TMEM116: variants seen among roughly 807,000 people sequenced by gnomAD.
TMEM116 encodes transmembrane protein 116.
A neutral mutation model predicts 44.3 loss-of-function variants in TMEM116; 38 were observed. That is an observed-to-expected ratio of 0.86 (90% CI 0.66 to 1.12). TMEM116 has a LOEUF of 1.12. TMEM116 is among the 50% of genes most tolerant of loss of function. The pLI is 0.00. For missense variants in TMEM116, 354 were observed against 401.7 expected (o/e 0.88, Z 1.01); for synonymous variants, 132 against 144.8 (o/e 0.91, Z 0.64).
chr12:111,973,365 G>T (rs1417986476), intron 4 of TMEM116, among the ~76,000 whole-genome samples: 3 of 152,118 alleles, frequency 2.0e-5, no homozygotes, highest in Admixed American at 1.3e-4. Flanking sequence ...CAACATATTA[G>T]AATTTACGGG....
intron 4 of TMEM116, among the ~76,000 whole-genome samples, chr12:111,988,802 C>A (rs576286524): frequency 2.0e-5 from 3 of 151,954 alleles, no homozygotes; most frequent in Non-Finnish European, 4.4e-5. Context: ...CCAGCCTGGC[C>A]AACATAGTGA....
intron 4 of TMEM116, among the ~76,000 whole-genome samples, chr12:111,989,554 C>G (rs1203782190): frequency 6.6e-6 from 1 of 152,184 alleles, no homozygotes; most frequent in Middle Eastern, 3.2e-3. Flanking sequence ...AGGTTGCCTG[C>G]TAGATAAAAT....
chr12:111,974,615 G>A (rs766148741), intron 4 of TMEM116, among the ~76,000 whole-genome samples: 10 of 147,238 alleles, frequency 6.8e-5, no homozygotes, highest in Admixed American at 4.8e-4. Context: ...AGATCGCACC[G>A]CTGCACTCCA....
intron 1 of TMEM116, chr12:112,005,754 T>C: frequency 1.0e-6 from 1 of 969,098 alleles, no homozygotes; most frequent in Non-Finnish European, 1.2e-6. Context: ...AATACAGAGA[T>C]GTGTGGAAAG....
chr12:112,012,868 G>A (rs2077912588), intron 1 of TMEM116, 134 bp downstream of exon 1: 1 of 153,220 alleles, frequency 6.5e-6, no homozygotes, highest in Non-Finnish European at 1.5e-5. Context: ...GGGCCTAAGA[G>A]GGCCCTGCTT....
chr12:111,976,599 A>G (rs781396240), intron 4 of TMEM116, among the ~76,000 whole-genome samples: 9 of 152,222 alleles, frequency 5.9e-5, no homozygotes, highest in Non-Finnish European at 1.0e-4. Flanking sequence ...ACGTAAAGGC[A>G]AGAAAAACAA....
At chr12:111,957,617 G>T (rs1245898447) in intron 4 of TMEM116, among the ~76,000 whole-genome samples, 1 of 151,386 alleles carries the variant, frequency 6.6e-6, no homozygotes, top group South Asian at 2.1e-4. Flanking sequence ...CGTCCGGGAG[G>T]TGGGGGGCCC....
At chr12:112,004,791 G>T (rs1032634728) in intron 2 of TMEM116, among the ~76,000 whole-genome samples, 20 of 151,852 alleles carry the variant, frequency 1.3e-4, no homozygotes, top group African/African-American at 2.9e-4. Context: ...TTTTTATGGG[G>T]TTTTTTTGTT....
Position 111,956,514 on chromosome 12 carries a change from C to T in TMEM116, c.211-13145G>A, listed in dbSNP as rs566309580. Among the ~76,000 whole-genome samples, 3 of 152,254 alleles carry T rather than the reference C, an allele frequency of 2.0e-5. No individual in the cohort carries two copies. In the South Asian group the frequency reaches 6.2e-4, roughly 32 times the overall value. ...ATAGGACCCCTCCCTCTCCCTCTCC[C>T]CTTTGCATGGTCCTCGTCTCCCCTT... On this transcript the variant is annotated intron_variant, in intron 4 of 10. Transcript: ENST00000552374.
chr12:111,963,096 C>T (rs1333689253), intron 4 of TMEM116, among the ~76,000 whole-genome samples: 1 of 152,136 alleles, frequency 6.6e-6, no homozygotes, highest in Admixed American at 6.5e-5. Context: ...AAATGCAAAT[C>T]AAAACCACAA....
chr12:111,966,597 C>T (rs1338237018), intron 4 of TMEM116, among the ~76,000 whole-genome samples: 3 of 152,178 alleles, frequency 2.0e-5, no homozygotes, highest in Non-Finnish European at 2.9e-5. Flanking sequence ...CATCATAACT[C>T]GTAAAAGAGG....
chr12:111,950,135 A>G (rs368916417), intron 4 of TMEM116, among the ~76,000 whole-genome samples: 32 of 152,064 alleles, frequency 2.1e-4, no homozygotes, highest in African/African-American at 7.5e-4. Context: ...ACAAAACAAA[A>G]CAAAACAAAA....
chr12:112,005,943 C>T (rs1386151014), intron 1 of TMEM116: 1 of 985,694 alleles, frequency 1.0e-6, no homozygotes, highest in Non-Finnish European at 1.2e-6. Context: ...GAGCTTCTGA[C>T]CTTACCAAGT....
intron 4 of TMEM116, among the ~76,000 whole-genome samples, chr12:111,966,381 A>G (rs2074987962): frequency 6.6e-6 from 1 of 152,210 alleles, no homozygotes; most frequent in Admixed American, 6.5e-5. Flanking sequence ...AAACTACTAT[A>G]GGAAATTCTG....
At position 112,005,250 on chromosome 12, in the gene TMEM116, A is replaced by G; in HGVS notation, c.14+7T>C. 1 of 1,369,780 alleles carries G rather than the reference A, an allele frequency of 7.3e-7. No individual in the cohort carries two copies. Among genetic ancestry groups the G allele is most frequent in the Non-Finnish European group, 9.4e-7 (1 of 1,067,636 alleles). The allele number at this position is 1,369,780 out of a possible 1,614,324, so 84.9% of individuals were successfully genotyped here. A position where few individuals can be genotyped will look rare whatever the true frequency, so the allele number is the denominator to read the frequency against. On this transcript the variant is annotated splice_region_variant and intron_variant, in intron 2 of 10. Transcript: ENST00000552374. Reference sequence around the variant, plus strand: ...TAGTTTAGTTATATGAGATTAAATAAACATACCTCAGAGTAGCCATGACAA... The same window carrying G: ...TAGTTTAGTTATATGAGATTAAATAGACATACCTCAGAGTAGCCATGACAA...
intron 4 of TMEM116, among the ~76,000 whole-genome samples, chr12:111,990,338 G>A (rs1274562245): frequency 1.3e-5 from 2 of 151,910 alleles, no homozygotes; most frequent in African/African-American, 4.8e-5. Context: ...CAGATTAGGA[G>A]ATTGAAGTTC....
At chr12:111,948,197 T>C (rs940027428) in intron 4 of TMEM116, among the ~76,000 whole-genome samples, 4 of 152,220 alleles carry the variant, frequency 2.6e-5, no homozygotes, top group African/African-American at 7.2e-5. Context: ...TTGAAACTTA[T>C]ATTCCTCCCT....
At chr12:111,985,620 C>T (rs771182973) in intron 4 of TMEM116, among the ~76,000 whole-genome samples, 3 of 152,054 alleles carry the variant, frequency 2.0e-5, no homozygotes, top group East Asian at 1.9e-4. Flanking sequence ...GACAAGGTCT[C>T]GCTCTGTCAC....
intron 8 of TMEM116, chr12:111,935,923 G>A (rs1026300754): frequency 6.6e-6 from 1 of 152,146 alleles, no homozygotes. Context: ...TTACAGGTAT[G>A]AGCCATTGTG....
Sources: allele counts gnomAD v4.1 joint callset (sites outside exome capture counted in the v4.1 genomes callset), GRCh38; gene constraint gnomAD v4.1.1; transcripts MANE v1.5; gene names NCBI Gene and HGNC (gene_info 2026-07-23, HGNC 2026-07-21).